The following CREB5 variants were observed in gnomAD, a reference collection of about 807,000 sequenced individuals.
CREB5 encodes the protein cAMP responsive element binding protein 5, also known as cyclic AMP-responsive element-binding protein 5.
A neutral mutation model predicts 57.1 loss-of-function variants in CREB5; 19 were observed. The observed-to-expected ratio is 0.33, with a 90% confidence interval of 0.23 to 0.49. CREB5 has a LOEUF of 0.49. Ranked by LOEUF, CREB5 falls within the 20% of genes least tolerant of loss-of-function variation. The pLI is 0.99. For missense variants in CREB5, 579 were observed against 671.6 expected, an observed-to-expected ratio of 0.86 and a Z score of 1.52; for synonymous variants, 238 against 238.3, an observed-to-expected ratio of 1.00 and a Z score of 0.01.
intron 7 of CREB5, among the ~76,000 whole-genome samples, chr7:28,737,519 G>GTA: frequency 8.0e-6 from 1 of 125,420 alleles, no homozygotes; most frequent in South Asian, 2.6e-4. Context: ...GTGTGTGTGT[G>GTA]TATATATGTA....
chr7:28,695,509 C>T (rs1313561798), intron 5 of CREB5, among the ~76,000 whole-genome samples: 5 of 152,180 alleles, frequency 3.3e-5, no homozygotes, highest in Non-Finnish European at 7.3e-5. Flanking sequence ...TGCAGAGACT[C>T]CTCCCTCTGG....
intron 5 of CREB5, among the ~76,000 whole-genome samples, chr7:28,598,110 A>G (rs530272194): frequency 6.6e-6 from 1 of 152,082 alleles, no homozygotes; most frequent in Non-Finnish European, 1.5e-5. Flanking sequence ...CAGAATTCCC[A>G]CATGTTGTGG....
intron 5 of CREB5, among the ~76,000 whole-genome samples, chr7:28,697,721 G>A (rs187311231): frequency 1.4e-4 from 21 of 152,290 alleles, no homozygotes; most frequent in African/African-American, 5.1e-4. Context: ...TAGGACCATC[G>A]TTCTTTTCTG....
chr7:28,377,993 G>A (rs936704518), intron 1 of CREB5, among the ~76,000 whole-genome samples: 12 of 150,318 alleles, frequency 8.0e-5, no homozygotes, highest in African/African-American at 2.9e-4. Context: ...ATGCCCTTTA[G>A]GGCTATTATC....
intron 5 of CREB5, among the ~76,000 whole-genome samples, chr7:28,692,988 G>A (rs1188632198): frequency 6.6e-6 from 1 of 152,180 alleles, no homozygotes; most frequent in Non-Finnish European, 1.5e-5. Flanking sequence ...TGATTGATGA[G>A]GCAATGCTGT....
At chr7:28,686,386 G>T (rs1228182560) in intron 5 of CREB5, among the ~76,000 whole-genome samples, 1 of 150,384 alleles carries the variant, frequency 6.6e-6, no homozygotes, top group Non-Finnish European at 1.5e-5. Context: ...TCCTCTTCTT[G>T]CCCGAAGAGG....
chr7:28,452,527 C>T lies in CREB5; in HGVS notation c.4-35648C>T, dbSNP rs947121858. 3.3e-5 allele frequency among the ~76,000 whole-genome samples: 5 copies of T among 152,252 alleles called. 1 individual carries two copies. Among genetic ancestry groups the T allele is most frequent in the Non-Finnish European group, 7.4e-5 (5 of 68,022 alleles). ...GGTAAAAAGCGTTTAACTATAAAGA[C>T]TTGAATGAAGGTGAGGGTAGGATTA... On this transcript the variant is annotated intron_variant, in intron 1 of 10. Transcript: ENST00000357727.
At chr7:28,613,131 TCAG>T (rs1194548483) in intron 5 of CREB5, among the ~76,000 whole-genome samples, 1 of 152,190 alleles carries the variant, frequency 6.6e-6, no homozygotes, top group South Asian at 2.1e-4. Flanking sequence ...CCTCTATACC[TCAG>T]CAAACCATTC....
chr7:28,569,217 TGTAGAGGTGTAATCCTG>T (rs1795602968), intron 4 of CREB5, among the ~76,000 whole-genome samples: 1 of 151,364 alleles, frequency 6.6e-6, no homozygotes, highest in Non-Finnish European at 1.5e-5. Flanking sequence ...TAATGTGGAG[TGTAGAGGTGTAATCCTG>T]GCTTACTGCA....
intron 7 of CREB5, among the ~76,000 whole-genome samples, chr7:28,729,371 G>T (rs1449401223): frequency 1.3e-5 from 2 of 152,184 alleles, no homozygotes; most frequent in African/African-American, 2.4e-5. Context: ...CTGTCGGCTC[G>T]TGGTTTCCTC....
At chr7:28,338,489 A>T (rs1253293553) in intron 1 of CREB5, among the ~76,000 whole-genome samples, 1 of 152,126 alleles carries the variant, frequency 6.6e-6, no homozygotes, top group African/African-American at 2.4e-5. Context: ...CTGCTGCCAG[A>T]TGTATTGAAG....
chr7:28,749,520 G>C (rs918234866), intron 7 of CREB5: 34 of 152,306 alleles, frequency 2.2e-4, no homozygotes, highest in Non-Finnish European at 4.9e-4. Flanking sequence ...CAAATAACGT[G>C]GATGAAATTA....
At chr7:28,701,450 G>A (rs1271503297) in intron 5 of CREB5, among the ~76,000 whole-genome samples, 1 of 152,206 alleles carries the variant, frequency 6.6e-6, no homozygotes, top group Non-Finnish European at 1.5e-5. Flanking sequence ...ACTTGCTTCT[G>A]TAAAGGATCT....
At chr7:28,343,288 T>C (rs1007347628) in intron 1 of CREB5, among the ~76,000 whole-genome samples, 1 of 152,160 alleles carries the variant, frequency 6.6e-6, no homozygotes, top group Non-Finnish European at 1.5e-5. Context: ...TACTGGACAA[T>C]AGAATACCGG....
chr7:28,703,535 T>C, intron 5 of CREB5, among the ~76,000 whole-genome samples: 1 of 152,138 alleles, frequency 6.6e-6, no homozygotes, highest in East Asian at 1.9e-4. Flanking sequence ...CCCCATGATC[T>C]GCCATCTGCC....
intron 5 of CREB5, among the ~76,000 whole-genome samples, chr7:28,706,296 C>T (rs1012861135): frequency 6.6e-6 from 1 of 151,906 alleles, no homozygotes; most frequent in Non-Finnish European, 1.5e-5. Context: ...AAAGAGGTTG[C>T]AGTGAGCTGA....
intron 1 of CREB5, among the ~76,000 whole-genome samples, chr7:28,476,940 T>C (rs945333730): frequency 2.0e-5 from 3 of 152,234 alleles, no homozygotes; most frequent in Admixed American, 6.5e-5. Context: ...TTTTCCACCA[T>C]AGACATCTGG....
At chr7:28,739,973 A>G (rs1434054503) in intron 7 of CREB5, among the ~76,000 whole-genome samples, 1 of 152,166 alleles carries the variant, frequency 6.6e-6, no homozygotes, top group Non-Finnish European at 1.5e-5. Context: ...GTGCCAACTT[A>G]CACGGAATAG....
At chr7:28,539,547 C>G (rs1373967610) in intron 4 of CREB5, among the ~76,000 whole-genome samples, 2 of 152,182 alleles carry the variant, frequency 1.3e-5, no homozygotes, top group Non-Finnish European at 2.9e-5. Context: ...ATCTATATTC[C>G]TTGCTCATAT....
Sources: gnomAD v4.1 joint callset for allele counts (sites outside exome capture counted in the v4.1 genomes callset) on GRCh38, gnomAD v4.1.1 for gene constraint, MANE v1.5 for transcripts, NCBI Gene and HGNC (gene_info 2026-07-23, HGNC 2026-07-21) for gene names.